DCC: variants seen among roughly 807,000 people sequenced by gnomAD.
The protein encoded by DCC is DCC netrin 1 receptor.
DCC carries 58 observed loss-of-function variants against 172.5 expected under a neutral mutation model. The observed-to-expected ratio is 0.34, with a 90% confidence interval of 0.27 to 0.42. DCC has a LOEUF of 0.42. DCC is among the 10% of genes least tolerant of loss of function. DCC has a pLI of 1.00. For synonymous variants in DCC, 709 were observed against 644.5 expected (o/e 1.10, Z -1.52); for missense variants, 1,740 against 1,791.0 (o/e 0.97, Z 0.51).
At chr18:52,446,908 A>G (rs1371868178) in intron 1 of DCC, among the ~76,000 whole-genome samples, 2 of 152,196 alleles carry the variant, frequency 1.3e-5, no homozygotes, top group Non-Finnish European at 2.9e-5. Context: ...GCCCAGAGAG[A>G]CATTTCAATT....
intron 5 of DCC, among the ~76,000 whole-genome samples, chr18:53,057,061 C>T (rs2042416204): frequency 9.1e-6 from 1 of 109,720 alleles, no homozygotes; most frequent in Non-Finnish European, 1.8e-5. Flanking sequence ...AGCTGAATAG[C>T]TAAGTAACTT....
intron 12 of DCC, among the ~76,000 whole-genome samples, chr18:53,262,495 A>G (rs2056618506): frequency 6.6e-6 from 1 of 152,242 alleles, no homozygotes; most frequent in Non-Finnish European, 1.5e-5. Flanking sequence ...TGAAGAGCTT[A>G]TAATACTTTC....
At chr18:52,443,741 A>G (rs1054498186) in intron 1 of DCC, among the ~76,000 whole-genome samples, 7 of 152,224 alleles carry the variant, frequency 4.6e-5, no homozygotes, top group African/African-American at 1.4e-4. Flanking sequence ...AATATTATAA[A>G]ATATATGCTA....
chr18:53,201,588 T>C (rs992866971), intron 9 of DCC, among the ~76,000 whole-genome samples: 3 of 152,224 alleles, frequency 2.0e-5, no homozygotes, highest in African/African-American at 7.2e-5. Context: ...AAATTATTTA[T>C]GTTTTTTTCT....
chr18:53,211,584 C>T (rs1253256844), intron 11 of DCC, among the ~76,000 whole-genome samples: 3 of 151,942 alleles, frequency 2.0e-5, no homozygotes, highest in Non-Finnish European at 2.9e-5. Flanking sequence ...ATTAGCTGGG[C>T]GTGGTGGCGG....
intron 1 of DCC, among the ~76,000 whole-genome samples, chr18:52,727,062 G>A (rs916671034): frequency 4.6e-5 from 7 of 152,126 alleles, no homozygotes; most frequent in Non-Finnish European, 8.8e-5. Flanking sequence ...TTTGATAAAA[G>A]CCAGTTCTTG....
chr18:52,661,277 G>A (rs1381274720), intron 1 of DCC, among the ~76,000 whole-genome samples: 1 of 152,144 alleles, frequency 6.6e-6, no homozygotes, highest in Non-Finnish European at 1.5e-5. Flanking sequence ...AGGGCAAAGG[G>A]ACATTAGACA....
chr18:53,043,637 A>C (rs1425272927), intron 5 of DCC, among the ~76,000 whole-genome samples: 1 of 151,858 alleles, frequency 6.6e-6, no homozygotes, highest in Non-Finnish European at 1.5e-5. Context: ...TCTTTGCCAA[A>C]GGAGAGTTTT....
intron 9 of DCC, among the ~76,000 whole-genome samples, chr18:53,181,179 A>T (rs1313491005): frequency 3.3e-5 from 5 of 152,172 alleles, no homozygotes; most frequent in African/African-American, 7.2e-5. Flanking sequence ...CAAAAGATCA[A>T]ATCTCCATGG....
In DCC at chr18:52,928,830, A is replaced by C. The variant is rs376076449; in HGVS notation, c.985+3460A>C. On this transcript the variant is annotated intron_variant, in intron 5 of 28. Transcript: ENST00000442544. ...GCCGTTGACCATGGTTTGCATCTGC[A>C]TGGGAGGCACATGCCCATCTGGACA... Among the ~76,000 whole-genome samples the C allele has an allele frequency of 4.6e-5, 7 of 152,260 alleles. No homozygotes were observed. The East Asian group carries it at 1.4e-3, about 30-fold the overall frequency.
intron 2 of DCC, among the ~76,000 whole-genome samples, chr18:52,774,916 CTT>C (rs2037402799): frequency 1.3e-5 from 2 of 152,166 alleles, no homozygotes; most frequent in African/African-American, 2.4e-5. Flanking sequence ...TACCAAAACT[CTT>C]TACATTGTAA....
intron 1 of DCC, among the ~76,000 whole-genome samples, chr18:52,393,149 G>A (rs1165580675): frequency 6.6e-6 from 1 of 152,076 alleles, no homozygotes; most frequent in African/African-American, 2.4e-5. Context: ...CAATATCTGT[G>A]TGATCATGGT....
intron 3 of DCC, 91 bp from the exon 4 acceptor site, chr18:52,923,616 T>C (rs2040156608): frequency 9.7e-7 from 1 of 1,033,042 alleles, no homozygotes. Flanking sequence ...CATTTTTCTT[T>C]CCATCTTTTG....
chr18:53,082,691 T>C (rs2042823694), intron 7 of DCC, among the ~76,000 whole-genome samples: 2 of 152,138 alleles, frequency 1.3e-5, no homozygotes, highest in South Asian at 4.1e-4. Context: ...ACTAAAAACC[T>C]CTAAGTATGT....
chr18:52,703,593 G>A lies in DCC; in HGVS notation c.92-48461G>A, dbSNP rs937859956. Among the ~76,000 whole-genome samples the A allele has an allele frequency of 7.9e-5, 12 of 152,244 alleles. No homozygotes were observed. In the South Asian group the frequency reaches 2.5e-3, roughly 32 times the overall value. ...CGAGGAAAAGTAAATGATACAGGCTGGAGGGTGGTTGACGGAAATGGGTCT... is the reference window on the plus strand; with the variant it reads ...CGAGGAAAAGTAAATGATACAGGCTAGAGGGTGGTTGACGGAAATGGGTCT... On this transcript the variant is annotated intron_variant, in intron 1 of 28. Transcript: ENST00000442544.
intron 1 of DCC, among the ~76,000 whole-genome samples, chr18:52,456,412 G>A (rs968067137): frequency 2.6e-5 from 4 of 151,994 alleles, no homozygotes; most frequent in African/African-American, 9.7e-5. Flanking sequence ...TAGTAATGAT[G>A]GAAAGCAGAC....
At chr18:52,477,268 G>T (rs1431684294) in intron 1 of DCC, among the ~76,000 whole-genome samples, 2 of 152,164 alleles carry the variant, frequency 1.3e-5, no homozygotes, top group Non-Finnish European at 2.9e-5. Flanking sequence ...ATTCTGATAT[G>T]GTTGAGTGTG....
chr18:52,390,142 A>T (rs1158428455), intron 1 of DCC, among the ~76,000 whole-genome samples: 2 of 152,096 alleles, frequency 1.3e-5, no homozygotes, highest in Non-Finnish European at 2.9e-5. Flanking sequence ...TAGGGGAAAC[A>T]TTCTTCCCTC....
chr18:53,425,289 C>G (rs1034420060), intron 21 of DCC, among the ~76,000 whole-genome samples: 3 of 151,458 alleles, frequency 2.0e-5, no homozygotes, highest in African/African-American at 7.3e-5. Context: ...AACTCTCACT[C>G]TTACACCCCA....
Sources: allele counts gnomAD v4.1 joint callset (sites outside exome capture counted in the v4.1 genomes callset), GRCh38; gene constraint gnomAD v4.1.1; transcripts MANE v1.5; gene names NCBI Gene and HGNC (gene_info 2026-07-23, HGNC 2026-07-21).